The following B3GLCT variants were observed in gnomAD, a reference collection of about 807,000 sequenced individuals.
B3GLCT encodes beta-1,3-glucosyltransferase.
In B3GLCT, 65 loss-of-function variants were observed where a neutral mutation model predicts 63.4. The ratio of observed to expected loss-of-function variants is 1.03; its 90% confidence interval spans 0.84 to 1.26. The LOEUF (loss-of-function observed/expected upper bound fraction) is 1.26, where lower values mean the gene tolerates loss of function less well. B3GLCT is among the 50% of genes most tolerant of loss of function. The pLI is 0.00. For missense variants in B3GLCT, 577 were observed against 604.8 expected, an observed-to-expected ratio of 0.95 and a Z score of 0.48; for synonymous variants, 233 against 219.2, an observed-to-expected ratio of 1.06 and a Z score of -0.55.
At chr13:31,265,683 A>G in intron 7 of B3GLCT, among the ~76,000 whole-genome samples, 1 of 152,346 alleles carries the variant, frequency 6.6e-6, no homozygotes, top group Non-Finnish European at 1.5e-5. Flanking sequence ...TTCATTAACT[A>G]CCAATAAGAT....
intron 12 of B3GLCT, among the ~76,000 whole-genome samples, chr13:31,316,778 G>A (rs1412231114): frequency 2.0e-5 from 3 of 151,968 alleles, no homozygotes; most frequent in East Asian, 1.9e-4. Flanking sequence ...GTTATTTTTC[G>A]ATTTTATTTT....
intron 6 of B3GLCT, among the ~76,000 whole-genome samples, chr13:31,257,295 G>A (rs987006664): frequency 1.3e-5 from 2 of 151,980 alleles, no homozygotes; most frequent in African/African-American, 4.8e-5. Flanking sequence ...AGCTATATTG[G>A]CATGGTATGT....
chr13:31,239,482 G>A lies in B3GLCT; in HGVS notation c.271-7541G>A, dbSNP rs535317334. Among the ~76,000 whole-genome samples the A allele has an allele frequency of 3.3e-5, 5 of 152,272 alleles. No homozygotes were observed. The South Asian group carries it at 1.0e-3, about 32-fold the overall frequency. On this transcript the variant is annotated intron_variant, in intron 4 of 14. Coordinates refer to ENST00000343307, the MANE Select transcript of B3GLCT (RefSeq NM_194318.4). ...TTTATTTTGTTCAGATGCCTATTAT[G>A]TGCACTGCATCTGTGTCAATTATGA...
At chr13:31,232,050 A>G (rs1246348455) in intron 4 of B3GLCT, among the ~76,000 whole-genome samples, 4 of 152,172 alleles carry the variant, frequency 2.6e-5, no homozygotes, top group African/African-American at 9.7e-5. Context: ...TGTGGATTCA[A>G]CAGAGCAGAA....
At chr13:31,301,512 T>C (rs1160803621) in intron 12 of B3GLCT, among the ~76,000 whole-genome samples, 1 of 152,232 alleles carries the variant, frequency 6.6e-6, no homozygotes, top group Non-Finnish European at 1.5e-5. Context: ...ACATGAAGTA[T>C]GTTCAAATAT....
intron 6 of B3GLCT, among the ~76,000 whole-genome samples, chr13:31,254,639 A>G (rs1871631878): frequency 6.6e-6 from 1 of 152,194 alleles, no homozygotes; most frequent in African/African-American, 2.4e-5. Flanking sequence ...CTTATTCAAC[A>G]TGGTATTGGA....
intron 10 of B3GLCT, among the ~76,000 whole-genome samples, chr13:31,278,946 A>G (rs1161848024): frequency 2.0e-5 from 3 of 152,162 alleles, no homozygotes; most frequent in East Asian, 3.9e-4. Flanking sequence ...CTTGTATCCT[A>G]TTGAGTAGCA....
At chr13:31,308,965 A>G (rs148009302) in intron 12 of B3GLCT, among the ~76,000 whole-genome samples, 14 of 152,334 alleles carry the variant, frequency 9.2e-5, no homozygotes, top group African/African-American at 3.4e-4. Context: ...AGTATAGATA[A>G]CAATAATCAA....
At chr13:31,262,050 G>A (rs369852630) in intron 7 of B3GLCT, among the ~76,000 whole-genome samples, 10 of 152,346 alleles carry the variant, frequency 6.6e-5, no homozygotes, top group African/African-American at 2.4e-4. Flanking sequence ...GAACTGAATT[G>A]TGTGGGGAAG....
intron 4 of B3GLCT, among the ~76,000 whole-genome samples, chr13:31,243,848 G>C (rs1566059165): frequency 6.6e-6 from 1 of 152,214 alleles, no homozygotes; most frequent in African/African-American, 2.4e-5. Context: ...AATTCAAAGA[G>C]ATAAATAGAG....
intron 8 of B3GLCT, among the ~76,000 whole-genome samples, chr13:31,274,215 C>G (rs1368659484): frequency 2.6e-5 from 4 of 152,212 alleles, no homozygotes; most frequent in African/African-American, 9.7e-5. Flanking sequence ...TTACATCTCT[C>G]TCTGTGATGT....
intron 4 of B3GLCT, among the ~76,000 whole-genome samples, chr13:31,232,688 C>T (rs893177900): frequency 1.3e-5 from 2 of 152,230 alleles, no homozygotes; most frequent in Non-Finnish European, 2.9e-5. Context: ...GCTCATGTAT[C>T]CCCATAAAGG....
chr13:31,221,371 G>A (rs1282458844), intron 2 of B3GLCT, among the ~76,000 whole-genome samples: 1 of 152,210 alleles, frequency 6.6e-6, no homozygotes, highest in Non-Finnish European at 1.5e-5. Flanking sequence ...TCCTGGTCAA[G>A]AGTGGCATTT....
At chr13:31,201,163 G>C (rs1308070422) in intron 1 of B3GLCT, among the ~76,000 whole-genome samples, 1 of 152,116 alleles carries the variant, frequency 6.6e-6, no homozygotes, top group Non-Finnish European at 1.5e-5. Flanking sequence ...AATGATTTCA[G>C]ATTTTTTAGT....
At chr13:31,312,488 C>G (rs917395488) in intron 12 of B3GLCT, 1 of 151,896 alleles carries the variant, frequency 6.6e-6, no homozygotes, top group Non-Finnish European at 1.5e-5. Flanking sequence ...AATAGAAAGC[C>G]CCAAAACTTA....
At chr13:31,287,205 A>C (rs991353390) in intron 12 of B3GLCT, among the ~76,000 whole-genome samples, 2 of 152,192 alleles carry the variant, frequency 1.3e-5, no homozygotes, top group Non-Finnish European at 2.9e-5. Context: ...ACAGAGTACC[A>C]GAGAGGAGAG....
chr13:31,202,266 A>G (rs981307318), intron 1 of B3GLCT, among the ~76,000 whole-genome samples: 2 of 152,200 alleles, frequency 1.3e-5, no homozygotes. Context: ...TTAAACCCAC[A>G]TGCATATACA....
At chr13:31,289,963 CTCA>C (rs962621158) in intron 12 of B3GLCT, among the ~76,000 whole-genome samples, 2 of 151,878 alleles carry the variant, frequency 1.3e-5, no homozygotes, top group Admixed American at 6.6e-5. Flanking sequence ...GTTTGCTGCA[CTCA>C]TCAACCCATC....
intron 4 of B3GLCT, among the ~76,000 whole-genome samples, chr13:31,236,460 A>G (rs1281340437): frequency 6.6e-6 from 1 of 152,188 alleles, no homozygotes; most frequent in Non-Finnish European, 1.5e-5. Flanking sequence ...ATTGTTAGGC[A>G]ATGCACCCCC....
Sources: gnomAD v4.1 joint callset for allele counts (sites outside exome capture counted in the v4.1 genomes callset) on GRCh38, gnomAD v4.1.1 for gene constraint, MANE v1.5 for transcripts, NCBI Gene and HGNC (gene_info 2026-07-23, HGNC 2026-07-21) for gene names.